Variants in FBXL17 observed in about 807,000 individuals in gnomAD.
The protein encoded by FBXL17 is F-box/LRR-repeat protein 17.
FBXL17 carries 22 observed loss-of-function variants against 66.2 expected under a neutral mutation model. That is an observed-to-expected ratio of 0.33 (90% CI 0.24 to 0.47). The LOEUF is 0.47. FBXL17 is among the 20% of genes least tolerant of loss of function. The probability of loss-of-function intolerance (pLI) is 1.00; values close to 1 mark genes in which losing one functional copy is unlikely to be tolerated. For synonymous variants in FBXL17, 474 were observed against 400.5 expected (o/e 1.18, Z -2.19); for missense variants, 878 against 948.2 (o/e 0.93, Z 0.97).
At chr5:108,260,823 C>T (rs530267626) in intron 4 of FBXL17, among the ~76,000 whole-genome samples, 2 of 152,256 alleles carry the variant, frequency 1.3e-5, no homozygotes, top group South Asian at 2.1e-4. Flanking sequence ...AGGACTTTTG[C>T]ACAAGTTTGC....
In FBXL17 at chr5:108,348,421, A is replaced by G. The variant is rs1161777921; in HGVS notation, c.1484T>C (p.Ile495Thr). The G allele has an allele frequency of 6.2e-7, 1 of 1,613,430 alleles. No individual in the cohort carries two copies. The highest frequency in any genetic ancestry group is 1.3e-5 in the African/African-American group (1 of 74,914). ...IAKGCLKLQR[I>T]YMQENKLVTD... Reference sequence around the variant, plus strand: ...TACTAATTTGTTTTCCTGCATGTATATCCTTTGTAATTTCAGACAGCCCTT... The same window carrying G: ...TACTAATTTGTTTTCCTGCATGTATGTCCTTTGTAATTTCAGACAGCCCTT... The change falls in exon 4 of 9, where the codon ATA (isoleucine) becomes ACA (threonine). Residue 495 changes from isoleucine (I) to threonine (T), a missense_variant. Ile to Thr is a moderately conservative substitution (Grantham distance 89). Around this residue, in one of 4 missense-constraint regions of FBXL17, gnomAD observed 236 missense variants for 389.1 expected, o/e 0.61. Transcript: ENST00000542267.
chr5:108,317,271 C>G (rs2150210411), intron 4 of FBXL17, among the ~76,000 whole-genome samples: 1 of 150,842 alleles, frequency 6.6e-6, no homozygotes, highest in South Asian at 2.1e-4. Flanking sequence ...TTTTTAATTT[C>G]TAACATAAAG....
intron 5 of FBXL17, among the ~76,000 whole-genome samples, chr5:108,213,604 T>C (rs913570651): frequency 2.0e-5 from 3 of 152,112 alleles, no homozygotes; most frequent in African/African-American, 7.2e-5. Context: ...CAGCTTGCCC[T>C]CCATGGGCTG....
At chr5:107,939,191 A>C (rs1247449472) in intron 7 of FBXL17, among the ~76,000 whole-genome samples, 1 of 152,132 alleles carries the variant, frequency 6.6e-6, no homozygotes, top group Non-Finnish European at 1.5e-5. Context: ...TATTGGACAT[A>C]GTGTATCATT....
chr5:107,901,114 G>T (rs1749557885), intron 7 of FBXL17, among the ~76,000 whole-genome samples: 1 of 152,226 alleles, frequency 6.6e-6, no homozygotes, highest in South Asian at 2.1e-4. Flanking sequence ...CATAATATTT[G>T]TAACGATTCT....
intron 6 of FBXL17, among the ~76,000 whole-genome samples, chr5:108,183,707 C>A (rs1022753252): frequency 1.3e-5 from 2 of 152,002 alleles, no homozygotes; most frequent in Non-Finnish European, 2.9e-5. Flanking sequence ...AGTTTTTATC[C>A]CTCGCCCCCT....
At chr5:107,873,519 T>C (rs2112491332) in intron 8 of FBXL17, among the ~76,000 whole-genome samples, 1 of 152,310 alleles carries the variant, frequency 6.6e-6, no homozygotes, top group South Asian at 2.1e-4. Flanking sequence ...AGGCACAGCA[T>C]GGTAGGCCCT....
At chr5:108,175,774 T>C (rs1336603332) in intron 6 of FBXL17, among the ~76,000 whole-genome samples, 1 of 152,226 alleles carries the variant, frequency 6.6e-6, no homozygotes, top group East Asian at 1.9e-4. Context: ...ATTTCTCCTA[T>C]GGTTAAGCAT....
intron 6 of FBXL17, among the ~76,000 whole-genome samples, chr5:108,106,487 A>G (rs1749801779): frequency 6.6e-6 from 1 of 152,242 alleles, no homozygotes; most frequent in Non-Finnish European, 1.5e-5. Context: ...GCAAAAAAGT[A>G]GCAACAACCA....
chr5:108,381,785 C>G lies in FBXL17; in HGVS notation c.-94G>C. On this transcript the variant is annotated 5_prime_UTR_variant, in exon 1 of 9. Transcript: ENST00000542267. Reference sequence around the variant, plus strand: ...CGGGGCAGGCCGCTCGCTGGCTCGGCCCCCGGAGGGGTCGCCCTTCCTGCG... The same window carrying G: ...CGGGGCAGGCCGCTCGCTGGCTCGGGCCCCGGAGGGGTCGCCCTTCCTGCG... The G allele has an allele frequency of 7.4e-7, 1 of 1,356,976 alleles. No individual in the cohort carries two copies. Among genetic ancestry groups the G allele is most frequent in the African/African-American group, 1.5e-5 (1 of 65,164 alleles). 84.1% of individuals were successfully genotyped at this position (1,356,976 alleles called of 1,614,324 possible).
chr5:108,270,554 C>G (rs17452232), intron 4 of FBXL17, among the ~76,000 whole-genome samples: 23,965 of 149,184 alleles, frequency 0.16, 2,062 homozygotes, highest in South Asian at 0.33. Context: ...AAAACATGTT[C>G]TCAAGGAAAT....
At chr5:108,152,679 A>G (rs1344845368) in intron 6 of FBXL17, among the ~76,000 whole-genome samples, 1 of 152,176 alleles carries the variant, frequency 6.6e-6, no homozygotes. Flanking sequence ...TACCATAGAG[A>G]GAAAAAAATA....
chr5:107,928,963 T>C (rs1325306426), intron 7 of FBXL17, among the ~76,000 whole-genome samples: 1 of 152,060 alleles, frequency 6.6e-6, no homozygotes, highest in East Asian at 1.9e-4. Flanking sequence ...AAGAAAACAA[T>C]CTTCTTGTGC....
intron 7 of FBXL17, among the ~76,000 whole-genome samples, chr5:107,919,597 T>G (rs1750245992): frequency 6.6e-6 from 1 of 152,180 alleles, no homozygotes; most frequent in Non-Finnish European, 1.5e-5. Context: ...CCAGCTACAC[T>G]GCTCTCATCC....
At chr5:108,356,618 A>G (rs566894776) in intron 3 of FBXL17, among the ~76,000 whole-genome samples, 17 of 152,246 alleles carry the variant, frequency 1.1e-4, no homozygotes, top group African/African-American at 4.1e-4. Flanking sequence ...AACATTCCAG[A>G]AGAGTTTACA....
intron 4 of FBXL17, among the ~76,000 whole-genome samples, chr5:108,341,772 T>C (rs1417666092): frequency 1.3e-5 from 2 of 152,136 alleles, no homozygotes; most frequent in African/African-American, 4.8e-5. Context: ...ACTGTAACAC[T>C]CACCACTTAT....
At chr5:108,362,290 G>C (rs1748391174) in intron 3 of FBXL17, among the ~76,000 whole-genome samples, 1 of 152,118 alleles carries the variant, frequency 6.6e-6, no homozygotes, top group African/African-American at 2.4e-5. Context: ...AATTTCTACT[G>C]AGCTCCATGA....
At chr5:107,896,853 G>C (rs1290238123) in intron 7 of FBXL17, among the ~76,000 whole-genome samples, 1 of 39,054 alleles carries the variant, frequency 2.6e-5, no homozygotes, top group Non-Finnish European at 4.2e-5. Context: ...ATGAAAATTT[G>C]GCATTTTTTT....
chr5:107,954,548 T>C (rs553889493), intron 7 of FBXL17, among the ~76,000 whole-genome samples: 1 of 152,312 alleles, frequency 6.6e-6, no homozygotes, highest in South Asian at 2.1e-4. Context: ...AGACAGCTGA[T>C]TTTAATTGTT....
Sources: gnomAD v4.1 joint callset for allele counts (sites outside exome capture counted in the v4.1 genomes callset) on GRCh38, gnomAD v4.1.1 for gene constraint, gnomAD v4.1.1 regional missense constraint, MANE v1.5 for transcripts, NCBI Gene and HGNC (gene_info 2026-07-23, HGNC 2026-07-21) for gene names.